Variants in DOCK1 observed in about 807,000 individuals in gnomAD.
The protein encoded by DOCK1 is dedicator of cytokinesis 1.
DOCK1 carries 138 observed loss-of-function variants against 262.7 expected under a neutral mutation model. The observed-to-expected ratio is 0.53, with a 90% CI of 0.46 to 0.61. The LOEUF is 0.61. Among genes scored for constraint, DOCK1 ranks in the 20% least tolerant of loss-of-function variants. DOCK1 has a pLI of 0.00. For missense variants in DOCK1, 1,908 were observed against 2,370.7 expected (o/e 0.80, Z 4.05); for synonymous variants, 866 against 867.4 (o/e 1.00, Z 0.03).
intron 25 of DOCK1, among the ~76,000 whole-genome samples, chr10:127,121,929 A>G (rs1000130355): frequency 2.0e-5 from 3 of 152,246 alleles, no homozygotes; most frequent in African/African-American, 4.8e-5. Context: ...TCATACCACC[A>G]CTATCATCAG....
intron 23 of DOCK1, among the ~76,000 whole-genome samples, chr10:127,093,912 G>A (rs2047742499): frequency 6.6e-6 from 1 of 152,152 alleles, no homozygotes; most frequent in African/African-American, 2.4e-5. Flanking sequence ...AGCATTAAGG[G>A]CCTTCTTGCC....
intron 1 of DOCK1, among the ~76,000 whole-genome samples, chr10:126,953,560 T>A (rs2134437011): frequency 6.6e-6 from 1 of 152,108 alleles, no homozygotes; most frequent in South Asian, 2.1e-4. Context: ...GTATTGTTAA[T>A]CAGTGGTGAT....
rs575168341 is a variant in DOCK1, at chr10:127,368,066, C to T, written c.3433-5715C>T. The stretch of plus-strand genomic sequence containing the variant: ...AGGCCACTGTGGACATCTGGGGCCT[C>T]CTATCTCATAGGCATCTGTCTGGCC... On this transcript the variant is annotated intron_variant, in intron 33 of 51. Transcript: ENST00000623213. 7.2e-5 allele frequency among the ~76,000 whole-genome samples: 11 copies of T among 152,276 alleles called. No homozygotes were observed. The South Asian group carries it at 2.3e-3, about 32-fold the overall frequency.
Position 127,261,804 on chromosome 10 carries a change from G to A in DOCK1, c.3044+4375G>A, listed in dbSNP as rs544303095. Among the ~76,000 whole-genome samples, 9 of 124,170 alleles carry A rather than the reference G, an allele frequency of 7.2e-5. No homozygotes were observed. The East Asian group carries it at 2.4e-3, about 33-fold the overall frequency. 81.5% of individuals were successfully genotyped at this position (124,170 alleles called of 152,430 possible). On this transcript the variant is annotated intron_variant, in intron 29 of 51. Transcript: ENST00000623213. The stretch of plus-strand genomic sequence containing the variant: ...GTGTACCTGCATGTGTGTGCATGTG[G>A]GTGTGGGTGTGTACCTGCATTGTGT...
chr10:127,361,610 G>T (rs1325322064), intron 32 of DOCK1, among the ~76,000 whole-genome samples: 1 of 152,128 alleles, frequency 6.6e-6, no homozygotes, highest in Non-Finnish European at 1.5e-5. Flanking sequence ...TAAGATGTGG[G>T]AGATAAAGAG....
intron 29 of DOCK1, among the ~76,000 whole-genome samples, chr10:127,280,797 C>CT (rs1448559235): frequency 1.3e-5 from 2 of 151,960 alleles, no homozygotes; most frequent in Non-Finnish European, 2.9e-5. Context: ...CTCTTTCTGT[C>CT]TTTTTTTTGT....
chr10:127,329,317 C>T (rs1009683884), intron 29 of DOCK1, among the ~76,000 whole-genome samples: 1 of 152,158 alleles, frequency 6.6e-6, no homozygotes, highest in Non-Finnish European at 1.5e-5. Context: ...AATTAGTGAT[C>T]ATAGGACAAC....
In DOCK1 at chr10:127,095,661, C is replaced by CTGTGTGTGTGTG. The variant is rs61224822; in HGVS notation, c.2446-10551_2446-10540dup. Among the ~76,000 whole-genome samples, 688 of 148,180 alleles carry CTGTGTGTGTGTG rather than the reference C, an allele frequency of 4.6e-3. 4 individuals carry two copies. Among genetic ancestry groups the CTGTGTGTGTGTG allele is most frequent in the African/African-American group, 0.014 (551 of 40,274 alleles). ...TGACACAACCACGTGGGCCAGGAAG[C>CTGTGTGTGTGTG]TGTGTGTGTGTGTGTGTGTGTGTGT... On this transcript the variant is annotated intron_variant, in intron 23 of 51. Transcript: ENST00000623213.
chr10:126,948,416 G>T lies in DOCK1; in HGVS notation c.47-22286G>T, dbSNP rs1191034646. 1.9e-4 allele frequency among the ~76,000 whole-genome samples: 25 copies of T among 128,716 alleles called. 11 individuals are homozygous for T. Among genetic ancestry groups the T allele is most frequent in the African/African-American group, 6.9e-4 (23 of 33,214 alleles). The allele number at this position is 128,716 out of a possible 152,430, so 84.4% of individuals were successfully genotyped here. On this transcript the variant is annotated intron_variant, in intron 1 of 51. Transcript: ENST00000623213. ...GTGGTTGGTAGTATTACTGTTGGTGGTGATGGTGGTGGTGGTGGTAATACT... is the reference window on the plus strand; with the variant it reads ...GTGGTTGGTAGTATTACTGTTGGTGTTGATGGTGGTGGTGGTGGTAATACT...
chr10:127,247,108 A>G (rs1490894737), intron 27 of DOCK1, among the ~76,000 whole-genome samples: 1 of 152,200 alleles, frequency 6.6e-6, no homozygotes, highest in Non-Finnish European at 1.5e-5. Context: ...CACCAAAGCA[A>G]ACACCCTTCA....
intron 1 of DOCK1, among the ~76,000 whole-genome samples, chr10:126,919,592 C>T (rs75404615): frequency 0.014 from 2,177 of 152,230 alleles, 53 homozygotes; most frequent in African/African-American, 0.048. Flanking sequence ...TAGGTGACCC[C>T]GATGACGGTC....
chr10:127,149,658 T>A (rs1012982938), intron 27 of DOCK1, among the ~76,000 whole-genome samples: 3 of 151,918 alleles, frequency 2.0e-5, no homozygotes, highest in African/African-American at 7.2e-5. Flanking sequence ...ACAGGCAGGG[T>A]CAAATTCATT....
intron 48 of DOCK1, among the ~76,000 whole-genome samples, chr10:127,434,553 T>A (rs900151806): frequency 1.3e-5 from 2 of 152,178 alleles, no homozygotes; most frequent in Admixed American, 1.3e-4. Flanking sequence ...TGAAACTCTG[T>A]ACCCATTTAA....
intron 29 of DOCK1, among the ~76,000 whole-genome samples, chr10:127,324,321 G>T (rs1276462723): frequency 1.3e-5 from 2 of 152,198 alleles, no homozygotes; most frequent in African/African-American, 4.8e-5. Context: ...TCTCAGGCTT[G>T]CCATTAGTCA....
intron 29 of DOCK1, among the ~76,000 whole-genome samples, chr10:127,297,578 C>T (rs950288375): frequency 6.6e-6 from 1 of 152,118 alleles, no homozygotes; most frequent in Non-Finnish European, 1.5e-5. Flanking sequence ...GTTTTCATCA[C>T]GTTTTCATAA....
chr10:127,163,722 C>A (rs866579614), intron 27 of DOCK1, among the ~76,000 whole-genome samples: 2 of 151,826 alleles, frequency 1.3e-5, no homozygotes, highest in Non-Finnish European at 2.9e-5. Context: ...CTTCTGCTTC[C>A]GACACCCAGT....
At chr10:127,323,303 T>C (rs760712728) in intron 29 of DOCK1, among the ~76,000 whole-genome samples, 21 of 152,112 alleles carry the variant, frequency 1.4e-4, no homozygotes, top group Non-Finnish European at 1.8e-4. Context: ...CTAAGGGTGG[T>C]GCTGGTGTGT....
At chr10:126,948,213 T>C (rs2035736575) in intron 1 of DOCK1, among the ~76,000 whole-genome samples, 1 of 80,128 alleles carries the variant, frequency 1.2e-5, no homozygotes, top group South Asian at 5.9e-4. Flanking sequence ...CTGTTGGTGG[T>C]GATGGTGGTG....
At chr10:127,093,242 CTTTTTTTTT>C (rs200302331) in intron 23 of DOCK1, among the ~76,000 whole-genome samples, 1 of 79,340 alleles carries the variant, frequency 1.3e-5, no homozygotes, top group Non-Finnish European at 2.2e-5. Flanking sequence ...TTTCTTTCTT[CTTTTTTTTT>C]TTTTTTTTTT....
Sources: allele counts gnomAD v4.1 joint callset (sites outside exome capture counted in the v4.1 genomes callset), GRCh38; gene constraint gnomAD v4.1.1; transcripts MANE v1.5; gene names NCBI Gene and HGNC (gene_info 2026-07-23, HGNC 2026-07-21).